ANK2: variants seen among roughly 807,000 people sequenced by gnomAD.
The protein encoded by ANK2 is ankyrin 2, also known as ankyrin-2.
Under a neutral mutation model 360.5 loss-of-function variants are expected in ANK2, and 83 were observed. The observed-to-expected ratio is 0.23, with a 90% CI of 0.19 to 0.28. The LOEUF is 0.28. Among genes scored for constraint, ANK2 ranks in the 10% least tolerant of loss-of-function variants. The pLI is 1.00. For missense variants in ANK2, 4,201 were observed against 4,795.7 expected, an observed-to-expected ratio of 0.88 and a Z score of 3.66; for synonymous variants, 1,740 against 1,759.5, an observed-to-expected ratio of 0.99 and a Z score of 0.28.
At chr4:113,203,162 T>C (rs2098867041) in intron 4 of ANK2, among the ~76,000 whole-genome samples, 1 of 152,230 alleles carries the variant, frequency 6.6e-6, no homozygotes, top group Admixed American at 6.5e-5. Flanking sequence ...AGTAGGCATC[T>C]TATCCTCTAA....
intron 32 of ANK2, 47 bp downstream of exon 32, chr4:113,339,369 C>CA (rs747477763): frequency 1.4e-6 from 2 of 1,449,444 alleles, no homozygotes; most frequent in Non-Finnish European, 9.7e-7. Context: ...TGTTACCCTC[C>CA]AAAAAAACTG....
At chr4:112,987,909 C>T (rs2045491503) in intron 2 of ANK2, among the ~76,000 whole-genome samples, 1 of 151,768 alleles carries the variant, frequency 6.6e-6, no homozygotes, top group Admixed American at 6.6e-5. Flanking sequence ...AATAGTATAC[C>T]ATTTCAGACC....
the ANK2 span, among the ~76,000 whole-genome samples, chr4:112,763,991 T>G: frequency 6.6e-6 from 1 of 152,204 alleles, no homozygotes; most frequent in Non-Finnish European, 1.5e-5. Flanking sequence ...TCGTCCAGGC[T>G]GGAGTGCAGT....
intron 2 of ANK2, among the ~76,000 whole-genome samples, chr4:112,958,466 CGCCTGCAATCGCAG>C (rs2032455995): frequency 6.6e-6 from 1 of 152,118 alleles, no homozygotes; most frequent in Non-Finnish European, 1.5e-5. Flanking sequence ...TGGCGGCGTG[CGCCTGCAATCGCAG>C]GCACTCGGCA....
At chr4:113,373,525 G>A (rs2096818280) in intron 45 of ANK2, 76 bp downstream of exon 45, 2 of 1,468,188 alleles carry the variant, frequency 1.4e-6, no homozygotes, top group African/African-American at 1.4e-5. Flanking sequence ...GAGTGAGATT[G>A]TTTATTCATA....
rs146907003 is a variant in ANK2 at position 113,242,180 on chromosome 4, C to A, written c.862C>A (p.Arg288=). 2 of 1,613,930 alleles carry A rather than the reference C, an allele frequency of 1.2e-6. No homozygotes were observed. The highest frequency in any genetic ancestry group is 1.7e-6 in the Non-Finnish European group (2 of 1,179,906). Residue 288 remains arginine (R), a synonymous_variant, in exon 9 of 46, where the codon CGA becomes AGA. Transcript: ENST00000357077. ...NTNMVKLLLD[R]GGQIDAKTRD... The stretch of plus-strand genomic sequence containing the variant: ...AAACATGGTGAAGCTCTTACTGGAT[C>A]GAGGCGGTCAGATCGATGCCAAAAC...
chr4:113,378,113 C>G (rs1262845847), intron 45 of ANK2: 5 of 1,275,474 alleles, frequency 3.9e-6, no homozygotes, highest in Non-Finnish European at 5.1e-6. Context: ...CAGGTAGCCA[C>G]ATGAAAGTCC....
intron 17 of ANK2, among the ~76,000 whole-genome samples, chr4:113,280,946 C>G (rs1042529800): frequency 3.3e-5 from 5 of 152,152 alleles, no homozygotes; most frequent in Non-Finnish European, 7.3e-5. Context: ...ATCTGTGTGT[C>G]CTTTTTTTCA....
intron 2 of ANK2, among the ~76,000 whole-genome samples, chr4:112,944,182 G>T (rs2094413291): frequency 6.6e-6 from 1 of 152,138 alleles, no homozygotes; most frequent in Non-Finnish European, 1.5e-5. Context: ...GGCCTGGCAT[G>T]CATCCATTTA....
intron 2 of ANK2, among the ~76,000 whole-genome samples, chr4:112,912,246 C>T (rs1279685362): frequency 6.6e-6 from 1 of 151,580 alleles, no homozygotes; most frequent in Non-Finnish European, 1.5e-5. Flanking sequence ...AAATTTTCCA[C>T]TTTCTGATGA....
In ANK2 at chr4:113,249,845, T is replaced by G. The variant is rs779311752; in HGVS notation, c.973T>G (p.Leu325Val). ...ACTTCTGTTGGAACGGGGTGCCCCCTTGCTGGCAAGGACTAAGGTGAGTCA... is the reference window on the plus strand; with the variant it reads ...ACTTCTGTTGGAACGGGGTGCCCCCGTGCTGGCAAGGACTAAGGTGAGTCA... ...VELLLERGAP[L>V]LARTKNGLSP... The change falls in exon 10 of 46, where the codon TTG (leucine) becomes GTG (valine). Residue 325 changes from leucine (L) to valine (V), a missense_variant. Physicochemically the swap from Leu to Val is conservative, Grantham distance 32. Around this residue, in one of 4 missense-constraint regions of ANK2, gnomAD observed 122 missense variants for 239.3 expected, o/e 0.51. Coordinates refer to ENST00000357077, the MANE Select transcript of ANK2 (RefSeq NM_001148.6). The G allele has an allele frequency of 6.2e-7, 1 of 1,614,092 alleles. No homozygotes were observed. The highest frequency in any genetic ancestry group is 8.5e-7 in the Non-Finnish European group (1 of 1,180,018).
At chr4:112,923,379 G>A (rs2091966562) in intron 2 of ANK2, among the ~76,000 whole-genome samples, 1 of 151,420 alleles carries the variant, frequency 6.6e-6, no homozygotes, top group Non-Finnish European at 1.5e-5. Flanking sequence ...AAAATGTTAA[G>A]CTCTATACTG....
At chr4:112,807,853 G>T in the ANK2 span, among the ~76,000 whole-genome samples, 2 of 152,164 alleles carry the variant, frequency 1.3e-5, no homozygotes, top group Admixed American at 6.6e-5. Context: ...ACCAAAAAAA[G>T]ACATGTTTAT....
At chr4:112,835,224 C>T (rs2060743942) in intron 1 of ANK2, among the ~76,000 whole-genome samples, 1 of 152,186 alleles carries the variant, frequency 6.6e-6, no homozygotes, top group South Asian at 2.1e-4. Flanking sequence ...TTCTTACATT[C>T]TGTTTATACT....
chr4:113,238,225 T>G (rs915444281), intron 7 of ANK2, among the ~76,000 whole-genome samples: 3 of 152,214 alleles, frequency 2.0e-5, no homozygotes, highest in Non-Finnish European at 4.4e-5. Flanking sequence ...AGCCTCTCAG[T>G]ATGGTGTGTT....
the ANK2 span, among the ~76,000 whole-genome samples, chr4:112,789,609 A>T: frequency 5.9e-5 from 9 of 152,206 alleles, no homozygotes; most frequent in Non-Finnish European, 1.0e-4. Context: ...GTGACCATTG[A>T]TGGCTTTAAA....
chr4:113,213,006 T>A (rs2099042770), intron 4 of ANK2, among the ~76,000 whole-genome samples: 1 of 152,204 alleles, frequency 6.6e-6, no homozygotes, highest in South Asian at 2.1e-4. Context: ...CTTAAGTAAT[T>A]TAATTGTTAA....
the ANK2 span, among the ~76,000 whole-genome samples, chr4:112,800,006 C>G: frequency 6.6e-6 from 1 of 152,134 alleles, no homozygotes; most frequent in Non-Finnish European, 1.5e-5. Context: ...GTAAAATTAA[C>G]TACCTATAGA....
At chr4:113,240,992 T>C (rs887745141) in intron 8 of ANK2, among the ~76,000 whole-genome samples, 2 of 152,168 alleles carry the variant, frequency 1.3e-5, no homozygotes, top group East Asian at 1.9e-4. Flanking sequence ...TTTTAATGAA[T>C]TGAGAATTTG....
Sources: allele counts gnomAD v4.1 joint callset (sites outside exome capture counted in the v4.1 genomes callset), GRCh38; gene constraint gnomAD v4.1.1; regional missense constraint gnomAD v4.1.1; transcripts MANE v1.5; gene names NCBI Gene and HGNC (gene_info 2026-07-23, HGNC 2026-07-21).